Variants in ARHGEF18 observed in about 807,000 individuals in gnomAD.
ARHGEF18 encodes rho guanine nucleotide exchange factor 18.
ARHGEF18 carries 93 observed loss-of-function variants against 155.7 expected under a neutral mutation model. The ratio of observed to expected loss-of-function variants is 0.60; its 90% CI spans 0.50 to 0.71. The LOEUF (loss-of-function observed/expected upper bound fraction) is 0.71. Among genes scored for constraint, ARHGEF18 ranks in the 30% least tolerant of loss-of-function variants. The pLI, the probability that ARHGEF18 is intolerant of heterozygous loss-of-function variation, is 0.00. For missense variants in ARHGEF18, 1,593 were observed against 1,816.1 expected (o/e 0.88, Z 2.23); for synonymous variants, 742 against 753.1 (o/e 0.99, Z 0.24).
At position 7,380,985 on chromosome 19, in the gene ARHGEF18, T is replaced by A. The variant is rs1313172256; in HGVS notation, c.713T>A (p.Phe238Tyr). 2.4e-6 allele frequency: 3 copies of A among 1,232,054 alleles called. No homozygotes were observed. Among genetic ancestry groups the A allele is most frequent in the Non-Finnish European group, 3.0e-6 (3 of 988,006 alleles). The allele number at this position is 1,232,054 out of a possible 1,614,324, so 76.3% of individuals were successfully genotyped here. ...GAHSNLTWFE[F>Y]LSESEDGAGK... Reference sequence around the variant, plus strand: ...CACTCGAACCTGACCTGGTTTGAATTCCTGTCGGAGTAAGTACACAGATCT... The same window carrying A: ...CACTCGAACCTGACCTGGTTTGAATACCTGTCGGAGTAAGTACACAGATCT... Residue 238 changes from phenylalanine to tyrosine, a missense_variant, in exon 8 of 29, where the codon TTC (phenylalanine) becomes TAC (tyrosine). Phe to Tyr is a conservative substitution (Grantham distance 22, BLOSUM62 3). Coordinates refer to ENST00000668164, the MANE Select transcript of ARHGEF18 (RefSeq NM_001367823.1).
chr19:7,439,790 C>T (rs1322632584), intron 10 of ARHGEF18: 3 of 1,421,134 alleles, frequency 2.1e-6, no homozygotes, highest in Non-Finnish European at 2.8e-6. Context: ...ACGCCAGGCT[C>T]ACCGTTTCAT....
At chr19:7,443,822 T>G (rs1243642669) in intron 13 of ARHGEF18, among the ~76,000 whole-genome samples, 6 of 151,820 alleles carry the variant, frequency 4.0e-5, no homozygotes, top group Admixed American at 6.6e-5. Context: ...GAGAATCGCT[T>G]GAACCCGGGA....
rs1444981671 is a variant in ARHGEF18 at position 7,422,809 on chromosome 19, C to T, written c.968-17535C>T. On this transcript the variant is annotated intron_variant, in intron 10 of 28. Coordinates refer to ENST00000668164, the MANE Select transcript of ARHGEF18 (RefSeq NM_001367823.1). Reference sequence around the variant, plus strand: ...TCTCGGCTCACTGCAGTCTCCACCTCCCAGGTTCAAGCAATTCTCCTGCCT... The same window carrying T: ...TCTCGGCTCACTGCAGTCTCCACCTTCCAGGTTCAAGCAATTCTCCTGCCT... Among the ~76,000 whole-genome samples the T allele has an allele frequency of 2.7e-5, 4 of 149,838 alleles. No individual in the cohort carries two copies. The Admixed American group carries it at 2.7e-4, about 10-fold the overall frequency.
chr19:7,360,822 G>A (rs995919684), intron 1 of ARHGEF18, among the ~76,000 whole-genome samples: 9 of 152,174 alleles, frequency 5.9e-5, no homozygotes, highest in Non-Finnish European at 1.2e-4. Flanking sequence ...CATAGATGCT[G>A]CTTCGGCTTC....
Position 7,470,044 on chromosome 19 carries a change from C to A in ARHGEF18, c.3913+15C>A, listed in dbSNP as rs770438873. The A allele has an allele frequency of 5.6e-6, 9 of 1,612,306 alleles. No individual in the cohort carries two copies. The South Asian group carries it at 9.9e-5, about 18-fold the overall frequency. On this transcript the variant is annotated intron_variant, in intron 28 of 28. Transcript: ENST00000668164. This position sits in a 1 kb window ranked among gnomAD's most constrained non-coding sequence, Gnocchi z 5.9. ...GCCCCCACCAGGTGAGCCCCCACCC[C>A]CTGACATGAGCCCAGTCCCAGGGCA...
intron 10 of ARHGEF18, among the ~76,000 whole-genome samples, chr19:7,391,354 G>A (rs1971390350): frequency 6.6e-6 from 1 of 152,134 alleles, no homozygotes; most frequent in African/African-American, 2.4e-5. Context: ...AATTAGAGAA[G>A]GTGGGTCTCC....
downstream of ARHGEF18, among the ~76,000 whole-genome samples, chr19:7,475,438 C>T (rs375620616): frequency 2.0e-4 from 31 of 152,114 alleles, no homozygotes; most frequent in South Asian, 6.2e-4. Flanking sequence ...TCTGCTTGCA[C>T]GACTGTGAAT....
chr19:7,356,460 G>A (rs1313971063), intron 1 of ARHGEF18, among the ~76,000 whole-genome samples: 1 of 151,854 alleles, frequency 6.6e-6, no homozygotes, highest in East Asian at 1.9e-4. Flanking sequence ...TTTTCGTAGA[G>A]ACGGGGTTTC....
Position 7,440,754 on chromosome 19 carries a change from C to T in ARHGEF18, c.1106+272C>T, listed in dbSNP as rs1457710033. On this transcript the variant is annotated intron_variant, in intron 11 of 28. Transcript: ENST00000668164. The surrounding 1 kb of genome is among the most constrained non-coding windows in gnomAD (Gnocchi z 5.4). ...TTGGACTCGCTCCTTAGGCCGGGCT[C>T]CTGACTTACTCAAGGCGATGCTCAA... Among the ~76,000 whole-genome samples the T allele has an allele frequency of 6.6e-6, 1 of 152,114 alleles. No homozygotes were observed.
chr19:7,412,425 C>T (rs1197900257), intron 10 of ARHGEF18, among the ~76,000 whole-genome samples: 1 of 151,738 alleles, frequency 6.6e-6, no homozygotes, highest in Non-Finnish European at 1.5e-5. Context: ...CTCACCGAGA[C>T]ACTTAATTTT....
intron 2 of ARHGEF18, among the ~76,000 whole-genome samples, chr19:7,366,659 A>G (rs923715839): frequency 1.3e-5 from 2 of 152,178 alleles, no homozygotes; most frequent in African/African-American, 4.8e-5. Flanking sequence ...ATCTTCTCCA[A>G]TTAGCTCCAT....
chr19:7,477,301 G>A (rs1669268091), downstream of ARHGEF18: 1 of 1,568,808 alleles, frequency 6.4e-7, no homozygotes, highest in Non-Finnish European at 8.6e-7. Context: ...GCCACGGCGG[G>A]AAGCGGCCGG....
downstream of ARHGEF18, among the ~76,000 whole-genome samples, chr19:7,473,688 T>C (rs565315128): frequency 5.2e-4 from 79 of 151,526 alleles, no homozygotes; most frequent in Non-Finnish European, 9.3e-4. Context: ...CGGGCGCCTG[T>C]AGTCCCAGCT....
Position 7,460,392 on chromosome 19 carries a change from C to T in ARHGEF18, c.2452+398C>T, listed in dbSNP as rs1015861419. 5.3e-5 allele frequency among the ~76,000 whole-genome samples: 8 copies of T among 152,166 alleles called. No individual in the cohort carries two copies. The East Asian group carries it at 5.8e-4, about 11-fold the overall frequency. Reference sequence around the variant, plus strand: ...GCTTCCTCCTCCCTGTTTAATTACACGATTGAGATGTAATTCACACACCAC... The same window carrying T: ...GCTTCCTCCTCCCTGTTTAATTACATGATTGAGATGTAATTCACACACCAC... On this transcript the variant is annotated intron_variant, in intron 20 of 28. Transcript: ENST00000668164.
chr19:7,359,968 A>C (rs1371059755), intron 1 of ARHGEF18, among the ~76,000 whole-genome samples: 2 of 152,198 alleles, frequency 1.3e-5, no homozygotes, highest in Non-Finnish European at 2.9e-5. Context: ...TAGCCTAGCC[A>C]ACATGGTGAA....
intron 2 of ARHGEF18, among the ~76,000 whole-genome samples, chr19:7,363,602 A>G (rs28419353): frequency 0.11 from 16,267 of 151,786 alleles, 2,368 homozygotes; most frequent in African/African-American, 0.33. Context: ...GAAGGAAGGA[A>G]GATGGATGGA....
intron 16 of ARHGEF18, 100 bp from the exon 17 acceptor site, chr19:7,453,367 C>T: frequency 7.4e-7 from 1 of 1,349,750 alleles, no homozygotes; most frequent in South Asian, 1.6e-5. Context: ...ATAGTGTGTC[C>T]ACACACCTCA....
intron 10 of ARHGEF18, among the ~76,000 whole-genome samples, chr19:7,427,032 C>T (rs1447344684): frequency 2.6e-5 from 4 of 152,032 alleles, no homozygotes; most frequent in Non-Finnish European, 4.4e-5. Flanking sequence ...TAGAGGTGAC[C>T]CTGGCCTCCT....
intron 1 of ARHGEF18, among the ~76,000 whole-genome samples, chr19:7,352,417 G>A (rs769135275): frequency 6.6e-6 from 1 of 151,464 alleles, no homozygotes; most frequent in Non-Finnish European, 1.5e-5. Context: ...CTACATTCAG[G>A]TTCTCAGGCT....
Sources: allele counts gnomAD v4.1 joint callset (sites outside exome capture counted in the v4.1 genomes callset), GRCh38; gene constraint gnomAD v4.1.1; non-coding constraint Gnocchi (gnomAD v3.1); transcripts MANE v1.5; gene names NCBI Gene and HGNC (gene_info 2026-07-23, HGNC 2026-07-21).